Variants in ASTN2 observed in about 807,000 individuals in gnomAD.
ASTN2 encodes astrotactin 2, also known as astrotactin-2.
A neutral mutation model predicts 139.8 loss-of-function variants in ASTN2; 54 were observed. The ratio of observed to expected loss-of-function variants is 0.39; its 90% CI spans 0.31 to 0.48. The LOEUF is 0.48. Among genes scored for constraint, ASTN2 ranks in the 20% least tolerant of loss-of-function variants. The probability of loss-of-function intolerance (pLI) is 0.95; values close to 1 mark genes in which losing one functional copy is unlikely to be tolerated. For missense variants in ASTN2, 1,565 were observed against 1,725.1 expected (o/e 0.91, Z 1.64); for synonymous variants, 756 against 719.5 (o/e 1.05, Z -0.81).
At chr9:116,713,894 G>A (rs893668511) in intron 16 of ASTN2, among the ~76,000 whole-genome samples, 7 of 152,174 alleles carry the variant, frequency 4.6e-5, no homozygotes, top group African/African-American at 1.7e-4. Flanking sequence ...GGACTTGGAA[G>A]TCAGACAGCC....
At chr9:116,752,648 T>C (rs1283662294) in intron 13 of ASTN2, among the ~76,000 whole-genome samples, 1 of 152,122 alleles carries the variant, frequency 6.6e-6, no homozygotes, top group Non-Finnish European at 1.5e-5. Context: ...ATCCAAAATA[T>C]ACAAAGAATA....
intron 19 of ASTN2, among the ~76,000 whole-genome samples, chr9:116,531,594 C>A (rs968797181): frequency 2.3e-4 from 34 of 149,280 alleles, no homozygotes; most frequent in African/African-American, 8.1e-4. Flanking sequence ...CAATTCCCAT[C>A]TATGAGTGAG....
At chr9:116,802,253 A>C (rs892114438) in intron 13 of ASTN2, among the ~76,000 whole-genome samples, 13 of 151,562 alleles carry the variant, frequency 8.6e-5, no homozygotes, top group Non-Finnish European at 1.9e-4. Flanking sequence ...CGCCCGGCTA[A>C]TTTTTTGTAT....
chr9:116,632,773 C>T (rs1335784662), intron 17 of ASTN2, among the ~76,000 whole-genome samples: 1 of 152,216 alleles, frequency 6.6e-6, no homozygotes, highest in Non-Finnish European at 1.5e-5. Flanking sequence ...TCCTTGATTT[C>T]CCAGCAGAAT....
rs757033122 is a variant in ASTN2, at chr9:117,214,695, C to T, written c.678G>A (p.Ala226=). 3.9e-6 allele frequency: 6 copies of T among 1,528,368 alleles called. No homozygotes were observed. The highest frequency in any genetic ancestry group is 3.8e-5 in the Admixed American group (2 of 52,020). 94.7% of individuals were successfully genotyped at this position (1,528,368 alleles called of 1,614,324 possible). ...TCTGCCAACGTCGCTGGGCGTACAG[C>T]GCCACGGTGAACACCAGCAGCAGCA... ...LLLLLLVFTV[A]LYAQRRWQKR... Residue 226 remains alanine (A), a synonymous_variant, in exon 3 of 23, where the codon GCG becomes GCA. Transcript: ENST00000313400.
chr9:117,252,585 A>G (rs1252582958), intron 2 of ASTN2, among the ~76,000 whole-genome samples: 1 of 152,228 alleles, frequency 6.6e-6, no homozygotes, highest in Non-Finnish European at 1.5e-5. Context: ...ATTAAATTAA[A>G]AAAACAAATC....
At chr9:116,642,029 T>G (rs1857355127) in intron 17 of ASTN2, among the ~76,000 whole-genome samples, 1 of 146,742 alleles carries the variant, frequency 6.8e-6, no homozygotes. Context: ...TGAAGGAATT[T>G]CAAACTGAAA....
intron 1 of ASTN2, among the ~76,000 whole-genome samples, chr9:117,372,507 A>ATGTAT (rs1830015739): frequency 6.6e-6 from 1 of 152,188 alleles, no homozygotes; most frequent in Non-Finnish European, 1.5e-5. Context: ...CCTATTAGCT[A>ATGTAT]TGTATATTTA....
intron 20 of ASTN2, among the ~76,000 whole-genome samples, chr9:116,481,006 A>G (rs1006665657): frequency 6.6e-6 from 1 of 152,202 alleles, no homozygotes; most frequent in Non-Finnish European, 1.5e-5. Context: ...TGAGCTAGAC[A>G]TTATCTTGTC....
chr9:117,074,632 C>T (rs1390907719), intron 5 of ASTN2, among the ~76,000 whole-genome samples: 1 of 152,112 alleles, frequency 6.6e-6, no homozygotes, highest in African/African-American at 2.4e-5. Flanking sequence ...AAGTGGCAAT[C>T]GTTGGGGTGG....
chr9:116,620,573 T>C, intron 17 of ASTN2, 130 bp from the exon 18 acceptor site: 2 of 1,173,972 alleles, frequency 1.7e-6, no homozygotes, highest in South Asian at 1.4e-5. Context: ...AGACACCATC[T>C]ATTCCCTAAG....
chr9:117,046,812 T>C (rs1022168910), intron 5 of ASTN2, among the ~76,000 whole-genome samples: 1 of 152,232 alleles, frequency 6.6e-6, no homozygotes, highest in African/African-American at 2.4e-5. Flanking sequence ...ATATAGTAGG[T>C]GCTCAATAAA....
chr9:117,113,824 T>C (rs552635413), intron 4 of ASTN2, among the ~76,000 whole-genome samples: 17 of 152,230 alleles, frequency 1.1e-4, no homozygotes, highest in Admixed American at 8.5e-4. Flanking sequence ...TAATCTATAG[T>C]AACAAAAAGC....
chr9:117,247,070 TGAG>T (rs1421290762), intron 2 of ASTN2, among the ~76,000 whole-genome samples: 1 of 152,120 alleles, frequency 6.6e-6, no homozygotes, highest in African/African-American at 2.4e-5. Flanking sequence ...CCAAAAGCAC[TGAG>T]GAGGGAGATC....
intron 13 of ASTN2, among the ~76,000 whole-genome samples, chr9:116,788,138 G>C (rs540323483): frequency 6.6e-5 from 10 of 152,244 alleles, no homozygotes; most frequent in Middle Eastern, 3.4e-3. Context: ...AGAGTAGAAT[G>C]GTGGTTATCA....
chr9:117,062,187 G>A (rs776882361), intron 5 of ASTN2, among the ~76,000 whole-genome samples: 4 of 152,202 alleles, frequency 2.6e-5, no homozygotes, highest in Middle Eastern at 3.4e-3. Flanking sequence ...CAAGTGGGCC[G>A]GCCTGCCCTC....
At chr9:116,785,762 C>T (rs1830357342) in intron 13 of ASTN2, among the ~76,000 whole-genome samples, 1 of 152,166 alleles carries the variant, frequency 6.6e-6, no homozygotes, top group South Asian at 2.1e-4. Flanking sequence ...TCCATGCTGA[C>T]TTGTCTGAAC....
chr9:116,483,962 G>A (rs1588102788), intron 20 of ASTN2, among the ~76,000 whole-genome samples: 1 of 152,132 alleles, frequency 6.6e-6, no homozygotes, highest in Non-Finnish European at 1.5e-5. Context: ...TAAAAGCATG[G>A]GTGCAGAATT....
intron 19 of ASTN2, among the ~76,000 whole-genome samples, chr9:116,532,334 T>G (rs1242034098): frequency 1.3e-5 from 2 of 152,256 alleles, no homozygotes; most frequent in East Asian, 3.8e-4. Context: ...TGATGGTATT[T>G]CCTTTTGCTG....
Sources: allele counts gnomAD v4.1 joint callset (sites outside exome capture counted in the v4.1 genomes callset), GRCh38; gene constraint gnomAD v4.1.1; transcripts MANE v1.5; gene names NCBI Gene and HGNC (gene_info 2026-07-23, HGNC 2026-07-21).